TMTC2: variants seen among roughly 807,000 people sequenced by gnomAD.
TMTC2 encodes transmembrane O-mannosyltransferase targeting cadherins 2, also known as protein O-mannosyl-transferase TMTC2.
A neutral mutation model predicts 82.4 loss-of-function variants in TMTC2; 43 were observed. The ratio of observed to expected loss-of-function variants is 0.52; its 90% CI spans 0.41 to 0.67. The LOEUF is 0.67. Among genes scored for constraint, TMTC2 ranks in the 30% least tolerant of loss-of-function variants. TMTC2 has a pLI of 0.00. For missense variants in TMTC2, 919 were observed against 1,012.4 expected, an observed-to-expected ratio of 0.91 and a Z score of 1.25; for synonymous variants, 408 against 381.9, an observed-to-expected ratio of 1.07 and a Z score of -0.80.
At chr12:82,774,017 T>C (rs1336314187) in intron 1 of TMTC2, among the ~76,000 whole-genome samples, 4 of 152,104 alleles carry the variant, frequency 2.6e-5, no homozygotes, top group African/African-American at 9.7e-5. Flanking sequence ...TGCCAATGGT[T>C]AGGAAGAATA....
chr12:83,031,372 G>A (rs1404511993), intron 9 of TMTC2, among the ~76,000 whole-genome samples: 2 of 152,210 alleles, frequency 1.3e-5, no homozygotes, highest in African/African-American at 2.4e-5. Flanking sequence ...TGTAAAGGGT[G>A]CAAAGGATGG....
At chr12:82,908,604 T>C (rs1317293960) in intron 3 of TMTC2, among the ~76,000 whole-genome samples, 2 of 152,146 alleles carry the variant, frequency 1.3e-5, no homozygotes, top group Non-Finnish European at 2.9e-5. Flanking sequence ...TTCTGAGTGA[T>C]TGTCAGTTTC....
intron 11 of TMTC2, among the ~76,000 whole-genome samples, chr12:83,129,217 A>G (rs1885188672): frequency 6.6e-6 from 1 of 152,214 alleles, no homozygotes; most frequent in Non-Finnish European, 1.5e-5. Flanking sequence ...ATTCTTAAAT[A>G]TTCACATTTT....
At chr12:83,032,854 C>T (rs911938857) in intron 9 of TMTC2, among the ~76,000 whole-genome samples, 3 of 152,178 alleles carry the variant, frequency 2.0e-5, no homozygotes, top group Non-Finnish European at 4.4e-5. Context: ...AGCCACTGCG[C>T]CCAGCCTACA....
intron 1 of TMTC2, among the ~76,000 whole-genome samples, chr12:82,727,079 C>T (rs1011476115): frequency 1.3e-5 from 2 of 150,772 alleles, no homozygotes; most frequent in African/African-American, 4.9e-5. Flanking sequence ...TAATTCTGAT[C>T]TTTTGTGTTG....
chr12:82,932,682 C>T (rs1295377987), intron 4 of TMTC2, among the ~76,000 whole-genome samples: 1 of 152,042 alleles, frequency 6.6e-6, no homozygotes, highest in Non-Finnish European at 1.5e-5. Context: ...GGCCTCTTGC[C>T]TTGCAGTATG....
At chr12:82,758,255 G>A (rs1876443317) in intron 1 of TMTC2, among the ~76,000 whole-genome samples, 1 of 151,946 alleles carries the variant, frequency 6.6e-6, no homozygotes, top group Non-Finnish European at 1.5e-5. Context: ...GATATGCATG[G>A]TTTTGAGCTT....
chr12:82,948,374 A>AAAAC (rs1877147660), intron 4 of TMTC2, among the ~76,000 whole-genome samples: 1 of 32,832 alleles, frequency 3.0e-5, no homozygotes, highest in African/African-American at 2.9e-4. Flanking sequence ...TAATTTAAAC[A>AAAAC]AAAAAAAAAA....
At position 82,947,128 on chromosome 12, in the gene TMTC2, G is replaced by C. The variant is rs1682610; in HGVS notation, c.1598+16583G>C. On this transcript the variant is annotated intron_variant, in intron 4 of 11. Transcript: ENST00000321196. Reference sequence around the variant, plus strand: ...TCTACAGGGTGACTGGGTTTTAACTGCACTGTTATTCTAAGGACAGCCTTT... The same window carrying C: ...TCTACAGGGTGACTGGGTTTTAACTCCACTGTTATTCTAAGGACAGCCTTT... 9.2e-3 allele frequency among the ~76,000 whole-genome samples: 1,406 copies of C among 152,188 alleles called. 23 individuals are homozygous for C. Among genetic ancestry groups the C allele is most frequent in the African/African-American group, 0.032 (1,333 of 41,534 alleles).
chr12:82,742,940 A>T lies in TMTC2; in HGVS notation c.83+55271A>T, dbSNP rs536041665. 3.3e-5 allele frequency among the ~76,000 whole-genome samples: 5 copies of T among 152,306 alleles called. No individual in the cohort carries two copies. The South Asian group carries it at 1.0e-3, about 32-fold the overall frequency. On this transcript the variant is annotated intron_variant, in intron 1 of 11. Transcript: ENST00000321196. ...AAGTTTTTAGCCACTCTAGTGCATC[A>T]TGATTGTTTTCTACGTAGACAGTTG...
chr12:82,901,494 G>A (rs1308908284), intron 3 of TMTC2, among the ~76,000 whole-genome samples: 6 of 150,906 alleles, frequency 4.0e-5, no homozygotes, highest in East Asian at 2.0e-4. Context: ...TAGTAGAGAC[G>A]GGTTTCACTA....
chr12:82,868,092 G>C (rs1289191599), intron 2 of TMTC2, among the ~76,000 whole-genome samples: 1 of 152,158 alleles, frequency 6.6e-6, no homozygotes, highest in African/African-American at 2.4e-5. Flanking sequence ...TCGCTGTTTT[G>C]TGTTAAGTAT....
chr12:83,116,361 A>G lies in TMTC2; in HGVS notation c.2332-15849A>G, dbSNP rs1051742985. 1.2e-4 allele frequency among the ~76,000 whole-genome samples: 18 copies of G among 152,112 alleles called. 1 individual carries two copies. The highest frequency in any genetic ancestry group is 4.3e-4 in the African/African-American group (18 of 41,410). Reference sequence around the variant, plus strand: ...ATTGATAGGCATTTGGGTTGGTTCCATGTTTTTGCAATTGCAAATTGTGCT... The same window carrying G: ...ATTGATAGGCATTTGGGTTGGTTCCGTGTTTTTGCAATTGCAAATTGTGCT... On this transcript the variant is annotated intron_variant, in intron 11 of 11. Coordinates refer to ENST00000321196, the MANE Select transcript of TMTC2 (RefSeq NM_152588.3).
At chr12:83,047,970 CTTAA>C (rs1275977446) in intron 9 of TMTC2, among the ~76,000 whole-genome samples, 1 of 152,150 alleles carries the variant, frequency 6.6e-6, no homozygotes, top group Non-Finnish European at 1.5e-5. Flanking sequence ...GGTATCATTA[CTTAA>C]TTGTTACATT....
intron 7 of TMTC2, among the ~76,000 whole-genome samples, chr12:82,984,496 C>A (rs1337189385): frequency 1.3e-5 from 2 of 152,090 alleles, no homozygotes; most frequent in African/African-American, 4.8e-5. Flanking sequence ...GGAATGAGTT[C>A]TTCCTTTGAA....
intron 1 of TMTC2, among the ~76,000 whole-genome samples, chr12:82,701,991 T>C (rs1340347765): frequency 6.6e-6 from 1 of 152,134 alleles, no homozygotes; most frequent in Non-Finnish European, 1.5e-5. Context: ...GCAATAAGGC[T>C]TTCTCTTTAA....
intron 11 of TMTC2, among the ~76,000 whole-genome samples, chr12:83,071,793 A>G (rs1035229302): frequency 4.6e-5 from 7 of 151,832 alleles, no homozygotes; most frequent in Non-Finnish European, 7.4e-5. Context: ...TATATGTGTC[A>G]AGGTGTTCAT....
At chr12:82,872,292 G>A (rs1468105628) in intron 2 of TMTC2, among the ~76,000 whole-genome samples, 1 of 152,108 alleles carries the variant, frequency 6.6e-6, no homozygotes, top group Non-Finnish European at 1.5e-5. Context: ...GTGGCCTTGC[G>A]CTACATTTAA....
intron 8 of TMTC2, 114 bp downstream of exon 8, chr12:82,986,160 G>C (rs778862887): frequency 7.1e-7 from 1 of 1,415,100 alleles, no homozygotes; most frequent in East Asian, 2.3e-5. Flanking sequence ...GGGATGCAAT[G>C]GTGGTGATAC....
Sources: allele counts gnomAD v4.1 joint callset (sites outside exome capture counted in the v4.1 genomes callset), GRCh38; gene constraint gnomAD v4.1.1; transcripts MANE v1.5; gene names NCBI Gene and HGNC (gene_info 2026-07-23, HGNC 2026-07-21).